The following MAGI1 variants were observed in gnomAD, a reference collection of about 807,000 sequenced individuals.
The protein encoded by MAGI1 is membrane-associated guanylate kinase, WW and PDZ domain-containing protein 1.
Under a neutral mutation model 139.9 loss-of-function variants are expected in MAGI1, and 58 were observed. That is an observed-to-expected ratio of 0.41 (90% CI 0.34 to 0.52). MAGI1 has a LOEUF of 0.52. MAGI1 is among the 20% of genes least tolerant of loss of function. The pLI is 0.12. For missense variants in MAGI1, 1,874 were observed against 1,901.6 expected (o/e 0.99, Z 0.27); for synonymous variants, 812 against 737.9 (o/e 1.10, Z -1.63).
intron 1 of MAGI1, among the ~76,000 whole-genome samples, chr3:65,705,181 T>A (rs186189201): frequency 3.4e-4 from 52 of 152,232 alleles, no homozygotes; most frequent in Admixed American, 3.1e-3. Flanking sequence ...GAAAAAAAAA[T>A]TTCTAAGCTT....
chr3:65,414,177 C>T (rs1946014915), intron 12 of MAGI1, among the ~76,000 whole-genome samples: 1 of 152,176 alleles, frequency 6.6e-6, no homozygotes, highest in African/African-American at 2.4e-5. Context: ...TTTTTGAAAG[C>T]TGTCATAAAG....
intron 1 of MAGI1, among the ~76,000 whole-genome samples, chr3:65,668,084 T>C (rs1388732347): frequency 6.6e-6 from 1 of 152,174 alleles, no homozygotes; most frequent in African/African-American, 2.4e-5. Flanking sequence ...CCAGGCTGCT[T>C]AGGTTCTCAT....
At position 65,429,793 on chromosome 3, in the gene MAGI1, C is replaced by T. The variant is rs1575714772; in HGVS notation, c.1894G>A (p.Ala632Thr). ...TCTGGCTGAGTGGCTATGGAGGAAGCCAAAGAAACAGTGTCATTAGGATAA... is the reference window on the plus strand; with the variant it reads ...TCTGGCTGAGTGGCTATGGAGGAAGTCAAAGAAACAGTGTCATTAGGATAA... ...HGYPNDTVSL[A>T]SSIATQPELI... is the part of the protein sequence containing the mutation. The change falls in exon 12 of 23, where the codon GCT becomes ACT. Residue 632 changes from alanine (A) to threonine (T), a missense_variant. Physicochemically the swap from Ala to Thr is moderately conservative, Grantham distance 58. Around this residue, in one of 5 missense-constraint regions of MAGI1, gnomAD observed 482 missense variants for 509.6 expected, o/e 0.95. Transcript: ENST00000402939. The T allele has an allele frequency of 1.2e-6, 2 of 1,613,808 alleles. No individual in the cohort carries two copies. Among genetic ancestry groups the T allele is most frequent in the Non-Finnish European group, 1.7e-6 (2 of 1,179,988 alleles).
At chr3:65,615,156 C>T (rs999405171) in intron 2 of MAGI1, among the ~76,000 whole-genome samples, 2 of 152,044 alleles carry the variant, frequency 1.3e-5, no homozygotes, top group African/African-American at 2.4e-5. Context: ...TGGCATAATC[C>T]ACCCATCACA....
chr3:65,786,235 G>T (rs1874324), intron 1 of MAGI1, among the ~76,000 whole-genome samples: 29,049 of 139,438 alleles, frequency 0.21, 3,084 homozygotes, highest in South Asian at 0.38. Flanking sequence ...GGATTACCAC[G>T]CCCAGCCAAT....
intron 1 of MAGI1, among the ~76,000 whole-genome samples, chr3:65,627,063 G>A (rs77476843): frequency 0.013 from 2,017 of 152,278 alleles, 38 homozygotes; most frequent in African/African-American, 0.046. Flanking sequence ...TCCGGTCAAA[G>A]CCATACTTAC....
chr3:66,021,411 C>T (rs2067953148), intron 1 of MAGI1, among the ~76,000 whole-genome samples: 1 of 152,180 alleles, frequency 6.6e-6, no homozygotes, highest in Non-Finnish European at 1.5e-5. Context: ...CTTCCACAAA[C>T]ACATATGCAC....
intron 20 of MAGI1, among the ~76,000 whole-genome samples, chr3:65,364,140 G>A (rs940778521): frequency 6.8e-6 from 1 of 146,072 alleles, no homozygotes; most frequent in African/African-American, 2.5e-5. Context: ...TCCAGTCTGG[G>A]CAGCACAGTG....
intron 1 of MAGI1, among the ~76,000 whole-genome samples, chr3:66,031,728 C>T (rs949314053): frequency 2.7e-5 from 4 of 150,804 alleles, no homozygotes; most frequent in African/African-American, 9.8e-5. Flanking sequence ...AATTTAAGAG[C>T]GAGAGGGCTA....
chr3:65,499,937 T>C (rs1330154404), intron 2 of MAGI1, among the ~76,000 whole-genome samples: 1 of 152,180 alleles, frequency 6.6e-6, no homozygotes, highest in African/African-American at 2.4e-5. Context: ...TCTTGGCATT[T>C]TATAAACTGA....
At chr3:65,948,385 T>C (rs1279161771) in intron 1 of MAGI1, among the ~76,000 whole-genome samples, 1 of 152,222 alleles carries the variant, frequency 6.6e-6, no homozygotes, top group Admixed American at 6.5e-5. Context: ...TTTGAGACTT[T>C]CTTCATTAAT....
At chr3:65,360,688 G>C (rs1475394581) in intron 22 of MAGI1, 1 of 987,062 alleles carries the variant, frequency 1.0e-6, no homozygotes, top group African/African-American at 1.7e-5. Flanking sequence ...ACCAGTTGGG[G>C]GATGGAGAAG....
intron 1 of MAGI1, among the ~76,000 whole-genome samples, chr3:65,833,492 C>A (rs763903898): frequency 6.6e-6 from 1 of 152,150 alleles, no homozygotes; most frequent in Non-Finnish European, 1.5e-5. Context: ...AGACCAACAG[C>A]ATAGTTACAA....
intron 1 of MAGI1, among the ~76,000 whole-genome samples, chr3:65,833,032 G>A (rs1348476141): frequency 6.6e-6 from 1 of 152,130 alleles, no homozygotes; most frequent in Non-Finnish European, 1.5e-5. Flanking sequence ...AATGAATGGA[G>A]CTTGGGAAGG....
chr3:65,803,791 C>T (rs928885727), intron 1 of MAGI1, among the ~76,000 whole-genome samples: 2 of 152,158 alleles, frequency 1.3e-5, no homozygotes, highest in Non-Finnish European at 2.9e-5. Context: ...CAAGTGAGAA[C>T]ATGCAGTATT....
intron 1 of MAGI1, among the ~76,000 whole-genome samples, chr3:65,827,077 A>G (rs1429077154): frequency 6.6e-6 from 1 of 152,204 alleles, no homozygotes; most frequent in African/African-American, 2.4e-5. Flanking sequence ...TATAATCCAA[A>G]GTAATCACCT....
At position 65,362,600 on chromosome 3, in the gene MAGI1, A is replaced by C. The variant is rs78913371; in HGVS notation, c.3495+865T>G. On this transcript the variant is annotated intron_variant, in intron 21 of 22. Transcript: ENST00000402939. ...ACCTTCTCAATTTTAAATGTTAAAAAATTCATGCTGAACAAACTTAAACAT... is the reference window on the plus strand; with the variant it reads ...ACCTTCTCAATTTTAAATGTTAAAACATTCATGCTGAACAAACTTAAACAT... Among the ~76,000 whole-genome samples the C allele has an allele frequency of 2.6e-3, 394 of 152,332 alleles. 7 individuals are homozygous for C. In the East Asian group the frequency reaches 0.055, roughly 21 times the overall value.
chr3:65,466,597 G>A (rs1207611020), intron 5 of MAGI1, among the ~76,000 whole-genome samples: 3 of 152,172 alleles, frequency 2.0e-5, no homozygotes, highest in African/African-American at 7.2e-5. Flanking sequence ...TCCACAGGGA[G>A]AGGGTGGGCT....
chr3:65,507,302 T>C (rs141721935), intron 2 of MAGI1, among the ~76,000 whole-genome samples: 1 of 152,228 alleles, frequency 6.6e-6, no homozygotes, highest in African/African-American at 2.4e-5. Flanking sequence ...TCCCTCATAT[T>C]TATAGTGGTA....
Sources: allele counts gnomAD v4.1 joint callset (sites outside exome capture counted in the v4.1 genomes callset), GRCh38; gene constraint gnomAD v4.1.1; regional missense constraint gnomAD v4.1.1; transcripts MANE v1.5; gene names NCBI Gene and HGNC (gene_info 2026-07-23, HGNC 2026-07-21).